Variants in STAU2 observed in about 807,000 individuals in gnomAD.
STAU2 encodes the protein staufen double-stranded RNA binding protein 2.
STAU2 carries 20 observed loss-of-function variants against 65.9 expected under a neutral mutation model. The observed-to-expected ratio is 0.30, with a 90% confidence interval of 0.21 to 0.44. The LOEUF is 0.44. Ranked by LOEUF, STAU2 falls within the 20% of genes least tolerant of loss-of-function variation. The probability of loss-of-function intolerance (pLI) is 1.00; values close to 1 mark genes in which losing one functional copy is unlikely to be tolerated. For synonymous variants in STAU2, 232 were observed against 233.9 expected (o/e 0.99, Z 0.07); for missense variants, 558 against 683.9 (o/e 0.82, Z 2.05).
At chr8:73,636,019 A>G (rs1586166112) in intron 6 of STAU2, among the ~76,000 whole-genome samples, 2 of 151,580 alleles carry the variant, frequency 1.3e-5, no homozygotes, top group African/African-American at 2.4e-5. Context: ...CCCAATGCAG[A>G]AAAGTTTTGT....
In STAU2 at chr8:73,569,029, C is replaced by T. The variant is rs368345623; in HGVS notation, c.1222+13741G>A. On this transcript the variant is annotated intron_variant, in intron 12 of 14. Coordinates refer to ENST00000524300, the MANE Select transcript of STAU2 (RefSeq NM_001164380.2). ...GTGGGGCATCATCTCACCTGGGAAG[C>T]GCAAGGGGTCGGGGAATTCCCTTTC... Among the ~76,000 whole-genome samples the T allele has an allele frequency of 9.2e-5, 14 of 152,188 alleles. No homozygotes were observed. In the East Asian group the frequency reaches 1.4e-3, roughly 15 times the overall value.
intron 13 of STAU2, among the ~76,000 whole-genome samples, chr8:73,489,289 G>A (rs1821057350): frequency 6.6e-6 from 1 of 151,686 alleles, no homozygotes; most frequent in Non-Finnish European, 1.5e-5. Context: ...GAGACTATAA[G>A]GCAATAAGCT....
chr8:73,530,381 G>A (rs557740615), intron 13 of STAU2, among the ~76,000 whole-genome samples: 8 of 152,248 alleles, frequency 5.3e-5, no homozygotes, highest in East Asian at 1.9e-4. Flanking sequence ...CCTTGTAAAA[G>A]TCAGTACAAC....
At position 73,454,790 on chromosome 8, in the gene STAU2, G is replaced by A. The variant is rs1177585404; in HGVS notation, c.1531-32088C>T. On this transcript the variant is annotated intron_variant, in intron 13 of 14. Coordinates refer to ENST00000524300, the MANE Select transcript of STAU2 (RefSeq NM_001164380.2). The stretch of plus-strand genomic sequence containing the variant: ...AAGCCGTGATTAATATGCATGGTCT[G>A]TAGATGTATATTAACACACACAGAT... Among the ~76,000 whole-genome samples, 3 of 152,346 alleles carry A rather than the reference G, an allele frequency of 2.0e-5. No homozygotes were observed. The East Asian group carries it at 5.8e-4, about 29-fold the overall frequency.
chr8:73,695,679 G>A (rs375519243), intron 4 of STAU2, among the ~76,000 whole-genome samples: 277 of 152,170 alleles, frequency 1.8e-3, no homozygotes, highest in African/African-American at 5.1e-3. Flanking sequence ...CCACACCTAC[G>A]CTGGACAGCA....
chr8:73,578,640 G>A (rs549329207), intron 12 of STAU2, among the ~76,000 whole-genome samples: 17 of 152,224 alleles, frequency 1.1e-4, no homozygotes, highest in Middle Eastern at 3.4e-3. Flanking sequence ...CTATTTACGG[G>A]ACCTTTGTTT....
At chr8:73,616,595 G>A (rs1442174616) in intron 7 of STAU2, among the ~76,000 whole-genome samples, 5 of 151,964 alleles carry the variant, frequency 3.3e-5, no homozygotes, top group Non-Finnish European at 7.4e-5. Flanking sequence ...TCAAGAGATC[G>A]AGAACATCCT....
intron 6 of STAU2, among the ~76,000 whole-genome samples, chr8:73,662,360 T>C (rs373567523): frequency 4.7e-4 from 72 of 152,294 alleles, no homozygotes; most frequent in African/African-American, 1.7e-3. Context: ...GTACCAGAAG[T>C]TTAAATTTTG....
intron 9 of STAU2, among the ~76,000 whole-genome samples, chr8:73,609,175 G>GA (rs977042935): frequency 4.6e-5 from 7 of 152,160 alleles, no homozygotes; most frequent in African/African-American, 1.7e-4. Context: ...CGGTATTCAG[G>GA]AATCATCTAT....
At chr8:73,561,113 G>A (rs1463739136) in intron 12 of STAU2, among the ~76,000 whole-genome samples, 1 of 152,036 alleles carries the variant, frequency 6.6e-6, no homozygotes, top group African/African-American at 2.4e-5. Context: ...TCTGGCACAG[G>A]GGTTATTAAT....
In STAU2 at chr8:73,690,194, T is replaced by C. The variant is rs547096690; in HGVS notation, c.115-1381A>G. Among the ~76,000 whole-genome samples, 127 of 151,648 alleles carry C rather than the reference T, an allele frequency of 8.4e-4. 1 individual carries two copies. The highest frequency in any genetic ancestry group is 2.9e-3 in the African/African-American group (121 of 41,364). ...ATACAAAAAATTTAGCCAGACGTGG[T>C]GGCGGGTGCCTGTAGTCCCAGCTAC... On this transcript the variant is annotated intron_variant, in intron 4 of 14. Coordinates refer to ENST00000524300, the MANE Select transcript of STAU2 (RefSeq NM_001164380.2).
At position 73,496,184 on chromosome 8, in the gene STAU2, C is replaced by T. The variant is rs1459456045; in HGVS notation, c.1530+55828G>A. Reference sequence around the variant, plus strand: ...GTATTCACTATAAAATTCTGTCTCTCTTATTCTCTCGGTGTGTGTGTGTGC... The same window carrying T: ...GTATTCACTATAAAATTCTGTCTCTTTTATTCTCTCGGTGTGTGTGTGTGC... On this transcript the variant is annotated intron_variant, in intron 13 of 14. Coordinates refer to ENST00000524300, the MANE Select transcript of STAU2 (RefSeq NM_001164380.2). 3.3e-5 allele frequency among the ~76,000 whole-genome samples: 5 copies of T among 151,196 alleles called. No individual in the cohort carries two copies. The East Asian group carries it at 9.8e-4, about 30-fold the overall frequency.
intron 13 of STAU2, among the ~76,000 whole-genome samples, chr8:73,456,031 G>A (rs1416197725): frequency 1.3e-5 from 2 of 152,178 alleles, no homozygotes; most frequent in Non-Finnish European, 2.9e-5. Context: ...ATGTCAGAAA[G>A]GATCCATGTA....
intron 4 of STAU2, among the ~76,000 whole-genome samples, chr8:73,691,933 G>T (rs921442718): frequency 3.3e-5 from 5 of 152,128 alleles, no homozygotes; most frequent in African/African-American, 1.2e-4. Context: ...TAGTCTGAGG[G>T]CCAGTCACCA....
chr8:73,601,535 T>C (rs1811629520), intron 10 of STAU2, among the ~76,000 whole-genome samples: 1 of 152,236 alleles, frequency 6.6e-6, no homozygotes, highest in Non-Finnish European at 1.5e-5. Context: ...TCTCTAGATA[T>C]TTTGCTGCCA....
chr8:73,440,331 C>G (rs1818045704), intron 13 of STAU2: 1 of 152,230 alleles, frequency 6.6e-6, no homozygotes, highest in South Asian at 2.1e-4. Flanking sequence ...GTCTAAGTGC[C>G]TAGTGGATTT....
intron 13 of STAU2, among the ~76,000 whole-genome samples, chr8:73,461,509 G>C (rs1015489427): frequency 1.3e-5 from 2 of 152,046 alleles, no homozygotes; most frequent in African/African-American, 4.8e-5. Flanking sequence ...AAACCTTGTA[G>C]AGTCATAAGT....
intron 6 of STAU2, among the ~76,000 whole-genome samples, chr8:73,623,054 C>T: frequency 6.6e-6 from 1 of 152,170 alleles, no homozygotes; most frequent in Non-Finnish European, 1.5e-5. Context: ...CAAGTCAATA[C>T]AACAGTAAGA....
At chr8:73,651,724 G>T (rs1239692122) in intron 6 of STAU2, 1 of 446,210 alleles carries the variant, frequency 2.2e-6, no homozygotes, top group South Asian at 2.0e-5. Context: ...GCATGCATAC[G>T]CTGGGACCAG....
Sources: gnomAD v4.1 joint callset for allele counts (sites outside exome capture counted in the v4.1 genomes callset) on GRCh38, gnomAD v4.1.1 for gene constraint, MANE v1.5 for transcripts, NCBI Gene and HGNC (gene_info 2026-07-23, HGNC 2026-07-21) for gene names.